GOLIM4: variants seen among roughly 807,000 people sequenced by gnomAD.
GOLIM4 encodes the protein golgi integral membrane protein 4.
GOLIM4 carries 71 observed loss-of-function variants against 107.4 expected under a neutral mutation model. The observed-to-expected ratio is 0.66, with a 90% CI of 0.55 to 0.81. The LOEUF (loss-of-function observed/expected upper bound fraction) is 0.81, where lower values mean the gene tolerates loss of function less well. Ranked by LOEUF, GOLIM4 falls within the 30% of genes least tolerant of loss-of-function variation. The probability of loss-of-function intolerance (pLI) is 0.00; values close to 1 mark genes in which losing one functional copy is unlikely to be tolerated. For missense variants in GOLIM4, 830 were observed against 826.1 expected (o/e 1.00, Z -0.06); for synonymous variants, 327 against 294.8 (o/e 1.11, Z -1.12).
intron 1 of GOLIM4, among the ~76,000 whole-genome samples, chr3:168,072,999 C>G (rs957665244): frequency 1.3e-5 from 2 of 152,142 alleles, no homozygotes; most frequent in African/African-American, 4.8e-5. Context: ...ATAATACTTA[C>G]GTAGACCAGG....
intron 14 of GOLIM4, among the ~76,000 whole-genome samples, chr3:168,021,598 G>A (rs753002418): frequency 7.2e-5 from 11 of 152,046 alleles, no homozygotes; most frequent in Non-Finnish European, 1.0e-4. Flanking sequence ...CCCGGAAGGC[G>A]GAGGTTGCAG....
intron 1 of GOLIM4, among the ~76,000 whole-genome samples, chr3:168,050,822 TATAATA>T (rs140084468): frequency 0.033 from 4,446 of 136,262 alleles, 89 homozygotes; most frequent in East Asian, 0.073. Context: ...TAGCAACACC[TATAATA>T]ATAATAATAA....
In GOLIM4 at chr3:168,095,194, A is replaced by C. The variant is rs1353221302; in HGVS notation, c.92T>G (p.Met31Arg). 6.2e-7 allele frequency: 1 copy of C among 1,613,688 alleles called. No individual in the cohort carries two copies. The change falls in exon 1 of 16, where the codon ATG (methionine) becomes AGG (arginine). Residue 31 changes from methionine (M) to arginine (R), a missense_variant. Coordinates refer to ENST00000470487, the MANE Select transcript of GOLIM4 (RefSeq NM_014498.5). ...CTGCGTCTGCAGCTCGTAGTAGAGC[A>C]TCGCGCCGTAGAGAAAGCCGAACAC... is the stretch of plus-strand genomic sequence containing the variant. ...TVVFGFLYGA[M>R]LYYELQTQLR...
At chr3:168,057,006 C>T (rs1011493922) in intron 1 of GOLIM4, among the ~76,000 whole-genome samples, 13 of 152,062 alleles carry the variant, frequency 8.5e-5, no homozygotes, top group Non-Finnish European at 1.8e-4. Flanking sequence ...GGCTGTGTCC[C>T]CCACCCAAAT....
chr3:168,034,721 C>T (rs947501559), intron 8 of GOLIM4, among the ~76,000 whole-genome samples: 9 of 152,150 alleles, frequency 5.9e-5, no homozygotes, highest in African/African-American at 4.8e-5. Flanking sequence ...GGGAAGAACC[C>T]GGTTAGAGGT....
intron 7 of GOLIM4, among the ~76,000 whole-genome samples, chr3:168,039,197 G>A (rs541800039): frequency 2.6e-5 from 4 of 151,026 alleles, no homozygotes; most frequent in African/African-American, 9.7e-5. Flanking sequence ...GACAAACCTT[G>A]AGCATCCTCG....
chr3:168,062,512 C>CT (rs2108269127), intron 1 of GOLIM4, among the ~76,000 whole-genome samples: 1 of 152,080 alleles, frequency 6.6e-6, no homozygotes, highest in South Asian at 2.1e-4. Context: ...CTGCCATACC[C>CT]TTTTTTAAAA....
Position 168,016,151 on chromosome 3 carries a change from T to G in GOLIM4, c.1861-5328A>C, listed in dbSNP as rs376056748. Among the ~76,000 whole-genome samples, 431 of 125,922 alleles carry G rather than the reference T, an allele frequency of 3.4e-3. 14 individuals are homozygous for G. Among genetic ancestry groups the G allele is most frequent in the African/African-American group, 0.016 (323 of 20,292 alleles). 82.6% of individuals were successfully genotyped at this position (125,922 alleles called of 152,430 possible). On this transcript the variant is annotated intron_variant, in intron 14 of 15. Transcript: ENST00000470487. ...TTTCACAACCTACTCATCTGACAAA[T>G]GGCTAATATCCAGAATCTACAATGA... is the stretch of plus-strand genomic sequence containing the variant.
Position 168,048,296 on chromosome 3 carries a change from T to TAAG in GOLIM4, c.256_257insCTT (p.Lys86delinsThrTer). ...CAAATTATGTATTTACTTACCTTCCTTTGCTTTTTTATGTTCAAGTCTTTC... is the reference window on the plus strand; with the variant it reads ...CAAATTATGTATTTACTTACCTTCCTAAGTTGCTTTTTTATGTTCAAGTCTTTC... On this transcript the variant is annotated stop_gained and protein_altering_variant, in exon 2 of 16. Coordinates refer to ENST00000470487, the MANE Select transcript of GOLIM4 (RefSeq NM_014498.5). LOFTEE classifies it high-confidence loss of function. 6.9e-7 allele frequency: 1 copy of TAAG among 1,454,086 alleles called. No homozygotes were observed. The highest frequency in any genetic ancestry group is 9.6e-7 in the Non-Finnish European group (1 of 1,045,426). 90.1% of individuals were successfully genotyped at this position (1,454,086 alleles called of 1,614,324 possible).
intron 1 of GOLIM4, among the ~76,000 whole-genome samples, chr3:168,087,245 T>C (rs1165878421): frequency 6.6e-6 from 1 of 152,176 alleles, no homozygotes; most frequent in Non-Finnish European, 1.5e-5. Flanking sequence ...TACATAGCAT[T>C]AATGATTGGT....
chr3:168,056,190 T>TC (rs1273479367), intron 1 of GOLIM4, among the ~76,000 whole-genome samples: 2 of 152,206 alleles, frequency 1.3e-5, no homozygotes, highest in Non-Finnish European at 2.9e-5. Context: ...AACATAGAGC[T>TC]TGGGCTATGG....
intron 1 of GOLIM4, among the ~76,000 whole-genome samples, chr3:168,070,342 G>A (rs1372587447): frequency 1.7e-4 from 26 of 152,284 alleles, no homozygotes; most frequent in African/African-American, 6.3e-4. Context: ...GCAGTAAGCC[G>A]AGATTGCACC....
chr3:168,027,771 C>T lies in GOLIM4; in HGVS notation c.1580G>A (p.Arg527His), dbSNP rs534465111. 11 of 1,613,402 alleles carry T rather than the reference C, an allele frequency of 6.8e-6. No homozygotes were observed. In the East Asian group the frequency reaches 8.9e-5, roughly 13 times the overall value. Residue 527 changes from arginine (R) to histidine (H), a missense_variant, in exon 12 of 16, where the codon CGT (arginine) becomes CAT (histidine). Arg to His is a conservative substitution (Grantham distance 29). Coordinates refer to ENST00000470487, the MANE Select transcript of GOLIM4 (RefSeq NM_014498.5). ...GTCGGCTTCTCGGGGTCCTTGTTCA[C>T]GAGGCTCATGTCTATTACCTGGATC... is the stretch of plus-strand genomic sequence containing the variant. ...EGDPGNRHEP[R>H]EQGPREADPE...
intron 1 of GOLIM4, among the ~76,000 whole-genome samples, chr3:168,056,579 G>C (rs1719985866): frequency 6.6e-6 from 1 of 152,192 alleles, no homozygotes; most frequent in African/African-American, 2.4e-5. Context: ...AAAGCCAAAG[G>C]GGCGGAGCTG....
intron 14 of GOLIM4, among the ~76,000 whole-genome samples, chr3:168,013,266 AC>A (rs1268695042): frequency 2.6e-5 from 4 of 151,754 alleles, no homozygotes; most frequent in Admixed American, 6.5e-5. Flanking sequence ...CAGACTTTAA[AC>A]CAACAAAGAT....
At chr3:168,025,439 A>C (rs1199376891) in intron 12 of GOLIM4, among the ~76,000 whole-genome samples, 4 of 147,512 alleles carry the variant, frequency 2.7e-5, no homozygotes, top group African/African-American at 1.1e-4. Flanking sequence ...GTGACAAAAA[A>C]AATACTAATT....
At chr3:168,090,064 G>C (rs1439013515) in intron 1 of GOLIM4, among the ~76,000 whole-genome samples, 1 of 152,146 alleles carries the variant, frequency 6.6e-6, no homozygotes, top group East Asian at 1.9e-4. Flanking sequence ...CAGGGTGCCT[G>C]GCCAATGTTT....
chr3:168,051,172 G>A (rs1176091960), intron 1 of GOLIM4, among the ~76,000 whole-genome samples: 2 of 152,096 alleles, frequency 1.3e-5, no homozygotes, highest in Admixed American at 6.6e-5. Context: ...AGAGAATGGA[G>A]GCTCTGCTAG....
At chr3:168,087,602 A>T (rs1317858706) in intron 1 of GOLIM4, among the ~76,000 whole-genome samples, 3 of 152,204 alleles carry the variant, frequency 2.0e-5, no homozygotes, top group Non-Finnish European at 4.4e-5. Context: ...TTCTGATTCT[A>T]AATTTTATCA....
Sources: gnomAD v4.1 joint callset for allele counts (sites outside exome capture counted in the v4.1 genomes callset) on GRCh38, gnomAD v4.1.1 for gene constraint, MANE v1.5 for transcripts, NCBI Gene and HGNC (gene_info 2026-07-23, HGNC 2026-07-21) for gene names.